L3MBTL4: variants seen among roughly 807,000 people sequenced by gnomAD.
L3MBTL4 encodes lethal(3)malignant brain tumor-like protein 4.
L3MBTL4 carries 70 observed loss-of-function variants against 84.5 expected under a neutral mutation model. That is an observed-to-expected ratio of 0.83 (90% CI 0.68 to 1.01). The LOEUF (loss-of-function observed/expected upper bound fraction) is 1.01, where lower values mean the gene tolerates loss of function less well. Among genes scored for constraint, L3MBTL4 ranks in the 50% least tolerant of loss-of-function variants. The pLI, the probability that L3MBTL4 is intolerant of heterozygous loss-of-function variation, is 0.00. For synonymous variants in L3MBTL4, 274 were observed against 259.8 expected (o/e 1.05, Z -0.52); for missense variants, 715 against 754.8 (o/e 0.95, Z 0.62).
chr18:6,301,039 A>G (rs2050316855), intron 4 of L3MBTL4, among the ~76,000 whole-genome samples: 1 of 152,246 alleles, frequency 6.6e-6, no homozygotes, highest in South Asian at 2.1e-4. Flanking sequence ...TATTTTTAAA[A>G]TCATTTAGGG....
intron 4 of L3MBTL4, among the ~76,000 whole-genome samples, chr18:6,295,346 C>CTATATATATATATATA (rs71163269): frequency 9.8e-5 from 8 of 81,378 alleles, no homozygotes; most frequent in Admixed American, 4.2e-4. Flanking sequence ...CTCTCTCTCT[C>CTATATATATATATATA]TATATATATA....
At chr18:6,346,285 A>AT (rs1417059445) in intron 1 of L3MBTL4, among the ~76,000 whole-genome samples, 1 of 151,714 alleles carries the variant, frequency 6.6e-6, no homozygotes, top group Non-Finnish European at 1.5e-5. Context: ...CTTGACAATG[A>AT]TTTTTTTGGA....
intron 1 of L3MBTL4, among the ~76,000 whole-genome samples, chr18:6,385,943 A>G (rs1396577396): frequency 6.6e-6 from 1 of 152,226 alleles, no homozygotes; most frequent in Non-Finnish European, 1.5e-5. Flanking sequence ...AATATCACAC[A>G]TAATTCATTT....
intron 5 of L3MBTL4, among the ~76,000 whole-genome samples, chr18:6,249,896 A>T (rs1194736545): frequency 1.3e-5 from 2 of 152,188 alleles, no homozygotes; most frequent in East Asian, 1.9e-4. Flanking sequence ...GGGTGAATAA[A>T]CTTTCTCTAG....
At chr18:6,331,638 T>G (rs1454889325) in intron 1 of L3MBTL4, among the ~76,000 whole-genome samples, 1 of 152,078 alleles carries the variant, frequency 6.6e-6, no homozygotes, top group Non-Finnish European at 1.5e-5. Flanking sequence ...CAAGTATGTA[T>G]AAACTCGTGA....
intron 5 of L3MBTL4, chr18:6,260,299 G>C (rs1471580222): frequency 6.6e-6 from 1 of 152,034 alleles, no homozygotes; most frequent in East Asian, 1.9e-4. Flanking sequence ...TTTAGAGTAA[G>C]TTTTTTTGGT....
At chr18:6,307,175 G>T (rs1056594537) in intron 3 of L3MBTL4, among the ~76,000 whole-genome samples, 2 of 151,994 alleles carry the variant, frequency 1.3e-5, no homozygotes, top group Admixed American at 1.3e-4. Context: ...GCTCACACCT[G>T]TATTCCCAGC....
chr18:6,124,347 GA>G (rs2059619161), intron 14 of L3MBTL4, among the ~76,000 whole-genome samples: 1 of 151,266 alleles, frequency 6.6e-6, no homozygotes, highest in African/African-American at 2.4e-5. Context: ...CTCAAACTGA[GA>G]AAAGAGTATT....
intron 16 of L3MBTL4, among the ~76,000 whole-genome samples, chr18:6,028,426 T>G (rs1340575400): frequency 6.6e-6 from 1 of 152,238 alleles, no homozygotes; most frequent in South Asian, 2.1e-4. Flanking sequence ...CCATGCTGTT[T>G]CAGTTACTGT....
chr18:5,957,028 A>C (rs928969597), intron 18 of L3MBTL4, among the ~76,000 whole-genome samples: 3 of 152,214 alleles, frequency 2.0e-5, no homozygotes, highest in African/African-American at 7.2e-5. Flanking sequence ...TATTTAAAAT[A>C]TTTTGAAGTC....
intron 16 of L3MBTL4, among the ~76,000 whole-genome samples, chr18:5,972,127 C>T (rs2052668572): frequency 6.6e-6 from 1 of 152,142 alleles, no homozygotes; most frequent in African/African-American, 2.4e-5. Context: ...GGATCCCCTA[C>T]CTGGGGTTCA....
intron 8 of L3MBTL4, 75 bp from the exon 9 acceptor site, chr18:6,239,947 T>G: frequency 6.6e-7 from 1 of 1,525,162 alleles, no homozygotes; most frequent in African/African-American, 1.4e-5. Flanking sequence ...CTGTCAAAAC[T>G]TCTATGTTTA....
intron 12 of L3MBTL4, among the ~76,000 whole-genome samples, chr18:6,194,560 C>T (rs1198397971): frequency 3.3e-5 from 5 of 152,216 alleles, no homozygotes; most frequent in Non-Finnish European, 7.3e-5. Context: ...GCAGTCCAAA[C>T]AATGGCACAC....
At chr18:6,245,870 T>G (rs961178313) in intron 5 of L3MBTL4, among the ~76,000 whole-genome samples, 2 of 152,200 alleles carry the variant, frequency 1.3e-5, no homozygotes, top group Non-Finnish European at 2.9e-5. Context: ...GGAATATAGG[T>G]GTGAGCCACT....
intron 12 of L3MBTL4, among the ~76,000 whole-genome samples, chr18:6,207,546 C>G (rs370173067): frequency 6.6e-6 from 1 of 152,142 alleles, no homozygotes; most frequent in Non-Finnish European, 1.5e-5. Context: ...AACTGAGGCA[C>G]GTTCACCTGG....
intron 12 of L3MBTL4, among the ~76,000 whole-genome samples, chr18:6,179,511 T>A (rs570254266): frequency 6.6e-6 from 1 of 152,212 alleles, no homozygotes. Flanking sequence ...GGTTCAGGGA[T>A]AGTACTGAGG....
intron 16 of L3MBTL4, chr18:6,031,417 T>C (rs527555986): frequency 1.7e-3 from 1,716 of 985,480 alleles, no homozygotes; most frequent in Non-Finnish European, 1.9e-3. Flanking sequence ...GTCTAACTTC[T>C]GAACATTTAT....
chr18:5,990,042 C>A (rs1216535517), intron 16 of L3MBTL4, among the ~76,000 whole-genome samples: 2 of 152,152 alleles, frequency 1.3e-5, no homozygotes, highest in African/African-American at 2.4e-5. Flanking sequence ...AAGAGTCCAT[C>A]CTCAAGATAA....
chr18:6,064,148 T>C (rs948999236), intron 16 of L3MBTL4, among the ~76,000 whole-genome samples: 9 of 152,218 alleles, frequency 5.9e-5, no homozygotes, highest in African/African-American at 2.2e-4. Context: ...GTATGCTTTG[T>C]TGAAGATTAC....
Sources: gnomAD v4.1 joint callset for allele counts (sites outside exome capture counted in the v4.1 genomes callset) on GRCh38, gnomAD v4.1.1 for gene constraint, MANE v1.5 for transcripts, NCBI Gene and HGNC (gene_info 2026-07-23, HGNC 2026-07-21) for gene names.